Variants in NFIB observed in about 807,000 individuals in gnomAD.
The protein encoded by NFIB is nuclear factor 1 B-type.
In NFIB, 11 loss-of-function variants were observed where a neutral mutation model predicts 61.5. The observed-to-expected ratio is 0.18, with a 90% confidence interval of 0.11 to 0.30. The LOEUF is 0.30. Ranked by LOEUF, NFIB falls within the 10% of genes least tolerant of loss-of-function variation. The pLI, the probability that NFIB is intolerant of heterozygous loss-of-function variation, is 1.00. For missense variants in NFIB, 471 were observed against 608.9 expected (o/e 0.77, Z 2.38); for synonymous variants, 260 against 216.5 (o/e 1.20, Z -1.76).
chr9:14,125,748 G>T lies in NFIB; in HGVS notation c.944C>A (p.Thr315Asn). The change falls in exon 7 of 11, where the codon ACT becomes AAT. Residue 315 changes from threonine (T) to asparagine (N), a missense_variant. This residue lies in a region of NFIB where 372 missense variants were observed against 395.6 expected (regional missense o/e 0.94). Coordinates refer to ENST00000380953, the MANE Select transcript of NFIB (RefSeq NM_001190737.2). ...CAATGGCTTTTCAGGCTTCTTCATA[G>T]TAGTCGGAGAAGACATATCTGCGAG... ...ERDQDMSSPT[T>N]MKKPEKPLFS... 1 of 1,614,118 alleles carries T rather than the reference G, an allele frequency of 6.2e-7. No homozygotes were observed. Among genetic ancestry groups the T allele is most frequent in the East Asian group, 2.2e-5 (1 of 44,870 alleles).
intron 7 of NFIB, among the ~76,000 whole-genome samples, chr9:14,121,646 T>G (rs2038954182): frequency 6.6e-6 from 1 of 152,210 alleles, no homozygotes. Flanking sequence ...CTTTAACTTT[T>G]ACTATATGTA....
chr9:14,519,497 T>C, the NFIB span, among the ~76,000 whole-genome samples: 4 of 152,176 alleles, frequency 2.6e-5, no homozygotes, highest in African/African-American at 9.7e-5. Context: ...CTTCTCCTAG[T>C]AGTAGTTTCT....
the NFIB span, among the ~76,000 whole-genome samples, chr9:14,431,493 G>A: frequency 1.3e-5 from 2 of 152,184 alleles, no homozygotes; most frequent in Non-Finnish European, 2.9e-5. Flanking sequence ...GAAGAAATAT[G>A]ATTTGTTGCA....
chr9:14,380,985 T>C (rs1209546271), intron 1 of NFIB, among the ~76,000 whole-genome samples: 1 of 148,968 alleles, frequency 6.7e-6, no homozygotes, highest in Admixed American at 6.9e-5. Context: ...ATTGTTCATC[T>C]GATTTCCTGT....
At chr9:14,424,917 T>C in the NFIB span, among the ~76,000 whole-genome samples, 1 of 152,002 alleles carries the variant, frequency 6.6e-6, no homozygotes, top group Non-Finnish European at 1.5e-5. Context: ...GCTGGCAACA[T>C]TAGGAGGATA....
intron 2 of NFIB, among the ~76,000 whole-genome samples, chr9:14,255,098 C>G (rs907769959): frequency 1.3e-5 from 2 of 152,026 alleles, no homozygotes; most frequent in Non-Finnish European, 2.9e-5. Context: ...TGGCGCATAC[C>G]TGTAGTCCCA....
At chr9:14,225,873 T>G (rs2052344454) in intron 2 of NFIB, among the ~76,000 whole-genome samples, 1 of 152,228 alleles carries the variant, frequency 6.6e-6, no homozygotes, top group African/African-American at 2.4e-5. Flanking sequence ...TATATAACAT[T>G]TTGTCATTCT....
At chr9:14,186,591 G>C (rs750862277) in intron 2 of NFIB, among the ~76,000 whole-genome samples, 8 of 151,952 alleles carry the variant, frequency 5.3e-5, no homozygotes, top group Non-Finnish European at 1.2e-4. Flanking sequence ...ATATTATTAA[G>C]GGTAATGGAG....
chr9:14,467,085 G>A, the NFIB span, among the ~76,000 whole-genome samples: 1 of 152,218 alleles, frequency 6.6e-6, no homozygotes, highest in Non-Finnish European at 1.5e-5. Flanking sequence ...TCTAATGAGA[G>A]AGACTTCTAG....
At chr9:14,353,978 A>C (rs2061145804) in intron 1 of NFIB, among the ~76,000 whole-genome samples, 1 of 151,062 alleles carries the variant, frequency 6.6e-6, no homozygotes, top group Non-Finnish European at 1.5e-5. Flanking sequence ...TGGAGAGCTG[A>C]TCTGGGGCAA....
At chr9:14,190,349 C>T (rs1587461088) in intron 2 of NFIB, among the ~76,000 whole-genome samples, 3 of 152,096 alleles carry the variant, frequency 2.0e-5, no homozygotes, top group African/African-American at 7.2e-5. Flanking sequence ...CTACTTTCTA[C>T]AAAGGTAAAG....
the NFIB span, among the ~76,000 whole-genome samples, chr9:14,413,889 A>G: frequency 6.6e-6 from 1 of 152,222 alleles, no homozygotes; most frequent in Non-Finnish European, 1.5e-5. Context: ...AAAAGCCACT[A>G]AAATAGAGAC....
chr9:14,153,543 T>C (rs2043083163), intron 4 of NFIB, among the ~76,000 whole-genome samples: 1 of 152,128 alleles, frequency 6.6e-6, no homozygotes, highest in South Asian at 2.1e-4. Flanking sequence ...GGCCAACCTT[T>C]AATCTCCCTT....
At chr9:14,378,853 G>A (rs781014208) in intron 1 of NFIB, among the ~76,000 whole-genome samples, 1 of 152,108 alleles carries the variant, frequency 6.6e-6, no homozygotes, top group Non-Finnish European at 1.5e-5. Context: ...AGATAAATCA[G>A]GGTGTAGTTT....
At chr9:14,121,373 G>A (rs944259927) in intron 7 of NFIB, among the ~76,000 whole-genome samples, 1 of 152,102 alleles carries the variant, frequency 6.6e-6, no homozygotes, top group Non-Finnish European at 1.5e-5. Context: ...TAAGTAGAGG[G>A]CAAAAGAGCC....
At chr9:14,303,899 A>T (rs956004923) in intron 2 of NFIB, among the ~76,000 whole-genome samples, 5 of 152,222 alleles carry the variant, frequency 3.3e-5, no homozygotes, top group African/African-American at 1.2e-4. Flanking sequence ...AATGATGTGT[A>T]CATTTTAGGT....
chr9:14,354,767 T>C (rs13294659), intron 1 of NFIB, among the ~76,000 whole-genome samples: 50,734 of 151,382 alleles, frequency 0.34, 8,898 homozygotes, highest in African/African-American at 0.41. Context: ...GTTATCTCTA[T>C]GTAATGGGTA....
chr9:14,206,827 G>A (rs1014583436), intron 2 of NFIB, among the ~76,000 whole-genome samples: 2 of 151,284 alleles, frequency 1.3e-5, no homozygotes, highest in Non-Finnish European at 2.9e-5. Context: ...ACAAGTTTTT[G>A]GAGATCATGC....
the NFIB span, among the ~76,000 whole-genome samples, chr9:14,524,744 G>A: frequency 9.8e-5 from 15 of 152,292 alleles, no homozygotes; most frequent in South Asian, 2.9e-3. Flanking sequence ...ATCATACAAC[G>A]TTTTAGCAGC....
Sources: allele counts gnomAD v4.1 joint callset (sites outside exome capture counted in the v4.1 genomes callset), GRCh38; gene constraint gnomAD v4.1.1; regional missense constraint gnomAD v4.1.1; transcripts MANE v1.5; gene names NCBI Gene and HGNC (gene_info 2026-07-23, HGNC 2026-07-21).